MSH6: variants seen among roughly 807,000 people sequenced by gnomAD.
MSH6 encodes the protein mutS homolog 6.
A neutral mutation model predicts 119.1 loss-of-function variants in MSH6; 85 were observed. That is an observed-to-expected ratio of 0.71 (90% CI 0.60 to 0.85). MSH6 has a LOEUF of 0.85. MSH6 is among the 40% of genes least tolerant of loss of function. The probability of loss-of-function intolerance (pLI) is 0.00; values close to 1 mark genes in which losing one functional copy is unlikely to be tolerated. For synonymous variants in MSH6, 830 were observed against 586.9 expected (o/e 1.41, Z -5.99); for missense variants, 2,163 against 1,655.3 (o/e 1.31, Z -5.32).
rs2104112598 is a variant in MSH6 at position 47,791,119 on chromosome 2, T to C, written c.453T>C (p.Tyr151=). The change falls in exon 2 of 10, where the codon TAT becomes TAC. Residue 151 remains tyrosine, a synonymous_variant. Transcript: ENST00000234420. ...TTAGCAAAAGGCTTTTAAAGCCATATACAGGTAAGAGTCACTACTGCCATG... is the reference window on the plus strand; with the variant it reads ...TTAGCAAAAGGCTTTTAAAGCCATACACAGGTAAGAGTCACTACTGCCATG... ...GWVSKRLLKP[Y]TGSKSKEAQK... 1 of 1,613,972 alleles carries C rather than the reference T, an allele frequency of 6.2e-7. No homozygotes were observed. The highest frequency in any genetic ancestry group is 1.7e-4 in the Middle Eastern group (1 of 6,060).
In MSH6 at chr2:47,806,788, C is replaced by T. The variant is rs139825189; in HGVS notation, c.4011C>T (p.Cys1337=). Reference sequence around the variant, plus strand: ...TTTTTTTAATTTTAAGGGAAGTTTGCCTGGCTAGTGAAAGGTCAACTGTAG... The same window carrying T: ...TTTTTTTAATTTTAAGGGAAGTTTGTCTGGCTAGTGAAAGGTCAACTGTAG... ...NQSLRLFREV[C]LASERSTVDA... Residue 1337 remains cysteine, a synonymous_variant, in exon 10 of 10, where the codon TGC becomes TGT. Transcript: ENST00000234420. The T allele has an allele frequency of 6.3e-7, 1 of 1,593,688 alleles. No individual in the cohort carries two copies. Among genetic ancestry groups the T allele is most frequent in the Non-Finnish European group, 8.5e-7 (1 of 1,170,610 alleles).
chr2:47,785,347 C>T (rs1218363749), intron 1 of MSH6, among the ~76,000 whole-genome samples: 2 of 152,110 alleles, frequency 1.3e-5, no homozygotes, highest in African/African-American at 4.8e-5. Context: ...CCTGCCTCAG[C>T]TTCCCGAGTA....
chr2:47,807,042 T>TTAAG (rs563242815), downstream of MSH6: 209 of 615,152 alleles, frequency 3.4e-4, 2 homozygotes, highest in South Asian at 3.4e-3. Flanking sequence ...CCACAATATA[T>TTAAG]TAAGTCTAGA....
chr2:47,791,467 C>G (rs933685149), intron 2 of MSH6, among the ~76,000 whole-genome samples: 1 of 152,094 alleles, frequency 6.6e-6, no homozygotes, highest in African/African-American at 2.4e-5. Context: ...GCGACATTCT[C>G]TAGGGAAAGA....
intron 1 of MSH6, chr2:47,789,263 G>C (rs1668578134): frequency 3.2e-6 from 1 of 312,858 alleles, no homozygotes; most frequent in Non-Finnish European, 6.6e-6. Flanking sequence ...TTATGTGTCA[G>C]ATTCTGTAAG....
chr2:47,800,450 A>G lies in MSH6; in HGVS notation c.2467A>G (p.Ser823Gly), dbSNP rs267608032. ...GCTTCCAGATCTTGAGAGGCTACTC[A>G]GTAAAATTCATAATGTTGGGTCTCC... The part of the protein sequence containing the change: ...KKLPDLERLL[S>G]KIHNVGSPLK... Residue 823 changes from serine (S) to glycine (G), a missense_variant, in exon 4 of 10, where the codon AGT becomes GGT. By Grantham distance (56) the Ser-to-Gly change is moderately conservative. Coordinates refer to ENST00000234420, the MANE Select transcript of MSH6 (RefSeq NM_000179.3). 4 of 1,613,938 alleles carry G rather than the reference A, an allele frequency of 2.5e-6. No homozygotes were observed. The highest frequency in any genetic ancestry group is 1.1e-5 in the South Asian group (1 of 91,078).
chr2:47,783,825 G>C (rs1389242424), intron 1 of MSH6: 2 of 763,422 alleles, frequency 2.6e-6, no homozygotes, highest in African/African-American at 3.6e-5. Context: ...AGCTCCGGGT[G>C]GGGAGGGGGC....
chr2:47,801,046 T>C lies in MSH6; in HGVS notation c.3063T>C (p.Ala1021=), dbSNP rs760972942. The change falls in exon 4 of 10, where the codon GCT becomes GCC. Residue 1021 remains alanine, a synonymous_variant. Coordinates refer to ENST00000234420, the MANE Select transcript of MSH6 (RefSeq NM_000179.3). ...AGAAGTTGGCTAATCTCATAAATGC[T>C]GAAGAACGGAGGGATGTATCATTGA... ...IEKKLANLIN[A]EERRDVSLKD... 1 of 1,596,446 alleles carries C rather than the reference T, an allele frequency of 6.3e-7. No homozygotes were observed. The highest frequency in any genetic ancestry group is 8.5e-7 in the Non-Finnish European group (1 of 1,171,592).
At chr2:47,788,570 C>CTTTTTTTT (rs531963943) in intron 1 of MSH6, among the ~76,000 whole-genome samples, 2 of 104,868 alleles carry the variant, frequency 1.9e-5, no homozygotes, top group Admixed American at 1.1e-4. Flanking sequence ...TTTTCTTTTT[C>CTTTTTTTT]TTTTTTTTTT....
intron 3 of MSH6, 101 bp downstream of exon 3, chr2:47,796,164 G>A: frequency 4.2e-6 from 5 of 1,189,748 alleles, no homozygotes; most frequent in East Asian, 2.5e-5. Flanking sequence ...ATATGTGTGT[G>A]TATATGTATT....
At chr2:47,788,907 C>CTTTTTTTTTTTTT (rs1558650117) in intron 1 of MSH6, among the ~76,000 whole-genome samples, 14 of 17,286 alleles carry the variant, frequency 8.1e-4, no homozygotes, top group African/African-American at 1.3e-3. Context: ...TTTCTTCTTC[C>CTTTTTTTTTTTTT]TTTTTTTTTT....
chr2:47,806,753 T>TTTTTTTTTTTTTTTTAAAAAC, intron 9 of MSH6, 26 bp from the exon 10 acceptor site: 1 of 492,248 alleles, frequency 2.0e-6, no homozygotes, highest in Non-Finnish European at 2.8e-6. Context: ...CAAAAAAACT[T>TTTTTTTTTTTTTTTTAAAAAC]TTTTTTTTTT....
rs370505117 is a variant in MSH6, at chr2:47,801,053, C to T, written c.3070C>T (p.Arg1024Trp). 13 of 1,601,776 alleles carry T rather than the reference C, an allele frequency of 8.1e-6. No homozygotes were observed. Among genetic ancestry groups the T allele is most frequent in the East Asian group, 2.2e-5 (1 of 44,756 alleles). ...KLANLINAEE[R>W]RDVSLKDCMR... is the part of the protein sequence containing the mutation. ...GGCTAATCTCATAAATGCTGAAGAA[C>T]GGAGGGATGTATCATTGAAGGACTG... Residue 1024 changes from arginine to tryptophan, a missense_variant, in exon 4 of 10, where the codon CGG becomes TGG. Physicochemically the swap from Arg to Trp is moderately radical, Grantham distance 101. Transcript: ENST00000234420.
intron 4 of MSH6, 29 bp downstream of exon 4, chr2:47,801,184 G>A (rs2104444526): frequency 6.2e-7 from 1 of 1,603,912 alleles, no homozygotes; most frequent in South Asian, 1.1e-5. Context: ...TTGTTCTCAG[G>A]CTTTGATAAG....
At position 47,800,965 on chromosome 2, in the gene MSH6, C is replaced by T. The variant is rs367758473; in HGVS notation, c.2982C>T (p.Tyr994=). Residue 994 remains tyrosine (Y), a synonymous_variant, in exon 4 of 10, where the codon TAC becomes TAT. Coordinates refer to ENST00000234420, the MANE Select transcript of MSH6 (RefSeq NM_000179.3). ...CCACTCGCAATTTGCCAGAAGAATACGAGTTGAAATCTACCAAGAAGGGCT... is the reference window on the plus strand; with the variant it reads ...CCACTCGCAATTTGCCAGAAGAATATGAGTTGAAATCTACCAAGAAGGGCT... ...NFTTRNLPEE[Y]ELKSTKKGCK... 1.5e-5 allele frequency: 23 copies of T among 1,563,162 alleles called. No homozygotes were observed. In the Middle Eastern group the frequency reaches 6.9e-4, roughly 47 times the overall value.
intron 3 of MSH6, among the ~76,000 whole-genome samples, chr2:47,797,390 G>C (rs1190873661): frequency 6.6e-6 from 1 of 152,216 alleles, no homozygotes; most frequent in Non-Finnish European, 1.5e-5. Context: ...CAGAGGTCTA[G>C]AACTGGATGG....
chr2:47,805,183 C>CT (rs35781475), intron 6 of MSH6, among the ~76,000 whole-genome samples, 156 bp downstream of exon 6: 2,800 of 141,094 alleles, frequency 0.02, 49 homozygotes, highest in African/African-American at 0.035. Flanking sequence ...GTCTCTCTCT[C>CT]TTTTTTTTTT....
intron 1 of MSH6, chr2:47,784,485 G>C (rs1392893164): frequency 7.2e-5 from 11 of 151,984 alleles, no homozygotes; most frequent in Non-Finnish European, 1.4e-4. Flanking sequence ...TCCTTTTTGA[G>C]AGAGAGTTTC....
Position 47,805,701 on chromosome 2 carries a change from G to A in MSH6, c.3640G>A (p.Glu1214Lys), listed in dbSNP as rs1114167744. ...AGCACATTCTCTGGTGCTTGTGGAT[G>A]AATTAGGTAAGACATTAAACTTCTC... is the stretch of plus-strand genomic sequence containing the variant. ...ATAHSLVLVD[E>K]LGRGTATFDG... Residue 1214 changes from glutamate (E) to lysine (K), a missense_variant, in exon 7 of 10, where the codon GAA becomes AAA. Transcript: ENST00000234420. 1.2e-6 allele frequency: 2 copies of A among 1,606,302 alleles called. No individual in the cohort carries two copies. Among genetic ancestry groups the A allele is most frequent in the South Asian group, 1.1e-5 (1 of 90,846 alleles).
Sources: gnomAD v4.1 joint callset for allele counts (sites outside exome capture counted in the v4.1 genomes callset) on GRCh38, gnomAD v4.1.1 for gene constraint, MANE v1.5 for transcripts, NCBI Gene and HGNC (gene_info 2026-07-23, HGNC 2026-07-21) for gene names.